The following TLN2 variants were observed in gnomAD, a reference collection of about 807,000 sequenced individuals.
TLN2 encodes the protein talin 2, also known as talin-2.
Under a neutral mutation model 294.7 loss-of-function variants are expected in TLN2, and 118 were observed. The observed-to-expected ratio is 0.40, with a 90% CI of 0.34 to 0.47. The LOEUF (loss-of-function observed/expected upper bound fraction) is 0.47, where lower values mean the gene tolerates loss of function less well. Among genes scored for constraint, TLN2 ranks in the 20% least tolerant of loss-of-function variants. TLN2 has a pLI of 0.84. For missense variants in TLN2, 3,083 were observed against 3,282.2 expected, an observed-to-expected ratio of 0.94 and a Z score of 1.48; for synonymous variants, 1,431 against 1,304.5, an observed-to-expected ratio of 1.10 and a Z score of -2.09.
chr15:62,813,448 C>T (rs1238699920), intron 52 of TLN2, among the ~76,000 whole-genome samples: 1 of 152,152 alleles, frequency 6.6e-6, no homozygotes, highest in Non-Finnish European at 1.5e-5. Context: ...GATAGTAAAA[C>T]TATTCCTATA....
At chr15:62,785,992 T>C (rs1286379195) in intron 45 of TLN2, among the ~76,000 whole-genome samples, 2 of 152,380 alleles carry the variant, frequency 1.3e-5, no homozygotes, top group Non-Finnish European at 2.9e-5. Context: ...ATTAAGGTTT[T>C]CCTTTTCACT....
intron 1 of TLN2, among the ~76,000 whole-genome samples, chr15:62,425,582 A>G (rs1030011703): frequency 6.6e-6 from 1 of 152,194 alleles, no homozygotes; most frequent in Non-Finnish European, 1.5e-5. Context: ...GGAGAATTGT[A>G]TCAGCTTTTT....
At chr15:62,480,985 A>G (rs1263807087) in intron 1 of TLN2, among the ~76,000 whole-genome samples, 2 of 152,152 alleles carry the variant, frequency 1.3e-5, no homozygotes, top group African/African-American at 2.4e-5. Context: ...GATGAGGGGC[A>G]CAGAAGAATT....
chr15:62,450,865 C>G (rs1453101365), intron 1 of TLN2, among the ~76,000 whole-genome samples: 1 of 151,882 alleles, frequency 6.6e-6, no homozygotes, highest in Non-Finnish European at 1.5e-5. Flanking sequence ...GCTACCATGC[C>G]TGGTCCATAT....
intron 1 of TLN2, among the ~76,000 whole-genome samples, chr15:62,514,960 A>G (rs187401358): frequency 1.8e-4 from 28 of 152,332 alleles, no homozygotes; most frequent in Admixed American, 1.8e-3. Flanking sequence ...AGTCTGGAAC[A>G]TTTTGTGGAG....
rs28647729 is a variant in TLN2 at position 62,825,835 on chromosome 15, T to A, written c.7002+5225T>A. On this transcript the variant is annotated intron_variant, in intron 54 of 58. Transcript: ENST00000636159. ...ATATTATAATATATATTATAATATA[T>A]AATATATATAAATATATTATATATA... Among the ~76,000 whole-genome samples the A allele has an allele frequency of 2.0e-3, 14 of 7,052 alleles. 1 individual carries two copies. The East Asian group carries it at 0.17, about 86-fold the overall frequency. 4.6% of individuals were successfully genotyped at this position (7,052 alleles called of 152,430 possible).
intron 1 of TLN2, among the ~76,000 whole-genome samples, chr15:62,583,241 G>T (rs1328069112): frequency 6.6e-6 from 1 of 152,174 alleles, no homozygotes; most frequent in Middle Eastern, 3.2e-3. Context: ...CAGGAAATCA[G>T]TGTTAAAAGC....
At chr15:62,839,456 C>T (rs1390351997) in intron 58 of TLN2, among the ~76,000 whole-genome samples, 1 of 152,190 alleles carries the variant, frequency 6.6e-6, no homozygotes, top group African/African-American at 2.4e-5. Flanking sequence ...TAAAATGATG[C>T]ATTTGGAGGT....
chr15:62,752,852 G>T (rs1375365686), intron 35 of TLN2, among the ~76,000 whole-genome samples: 1 of 152,098 alleles, frequency 6.6e-6, no homozygotes, highest in African/African-American at 2.4e-5. Flanking sequence ...ACATGATATG[G>T]CACATTCCTT....
At chr15:62,752,515 A>G (rs1447787848) in intron 35 of TLN2, 88 bp downstream of exon 35, 5 of 1,541,324 alleles carry the variant, frequency 3.2e-6, no homozygotes, top group Non-Finnish European at 3.5e-6. Context: ...CTCTTTCTCC[A>G]AGTACCACCA....
intron 41 of TLN2, among the ~76,000 whole-genome samples, chr15:62,768,413 C>A (rs887075732): frequency 1.3e-5 from 2 of 152,156 alleles, no homozygotes; most frequent in Non-Finnish European, 2.9e-5. Flanking sequence ...TTCGGTGTCT[C>A]TTCTGTCTCT....
chr15:62,468,016 A>G (rs2037241221), intron 1 of TLN2, among the ~76,000 whole-genome samples: 1 of 152,140 alleles, frequency 6.6e-6, no homozygotes, highest in African/African-American at 2.4e-5. Flanking sequence ...AAACAACAAT[A>G]ATAAAGGTTG....
At chr15:62,552,064 C>T (rs1243639820) in intron 1 of TLN2, among the ~76,000 whole-genome samples, 4 of 152,268 alleles carry the variant, frequency 2.6e-5, no homozygotes, top group South Asian at 2.1e-4. Context: ...TCTTTGTTGT[C>T]GTGGGCTGTC....
chr15:62,757,088 G>A (rs1475773075), intron 37 of TLN2, among the ~76,000 whole-genome samples: 1 of 152,126 alleles, frequency 6.6e-6, no homozygotes, highest in Non-Finnish European at 1.5e-5. Context: ...TGTGCTTTAG[G>A]TATGTTACTC....
intron 1 of TLN2, among the ~76,000 whole-genome samples, chr15:62,494,102 A>G (rs1232669514): frequency 6.6e-6 from 1 of 152,130 alleles, no homozygotes; most frequent in Admixed American, 6.5e-5. Context: ...GGTAGTTTTC[A>G]TGTGAATTTT....
rs149892147 is a variant in TLN2 at position 62,595,407 on chromosome 15, C to T, written c.-162+5645C>T. ...TGCACTCCAGCCTGGGTGCAGACTC[C>T]GTCTCAAAAAAAAAAAAAAAAAAAG... On this transcript the variant is annotated intron_variant, in intron 2 of 58. Coordinates refer to ENST00000636159, the MANE Select transcript of TLN2 (RefSeq NM_015059.3). 1.8e-3 allele frequency among the ~76,000 whole-genome samples: 205 copies of T among 115,214 alleles called. 5 individuals carry two copies. The highest frequency in any genetic ancestry group is 0.015 in the Admixed American group (147 of 9,666). 75.6% of individuals were successfully genotyped at this position (115,214 alleles called of 152,430 possible).
At chr15:62,694,428 T>C (rs991183259) in intron 14 of TLN2, 36 bp downstream of exon 14, 1 of 1,582,430 alleles carries the variant, frequency 6.3e-7, no homozygotes, top group Non-Finnish European at 8.7e-7. Flanking sequence ...GACCACCTTC[T>C]CCCTAGATAG....
At chr15:62,503,002 C>T (rs1356891114) in intron 1 of TLN2, among the ~76,000 whole-genome samples, 2 of 152,164 alleles carry the variant, frequency 1.3e-5, no homozygotes, top group African/African-American at 4.8e-5. Context: ...TCAAATACTG[C>T]TTTATTAGCC....
chr15:62,759,930 C>G (rs966176332), intron 37 of TLN2, among the ~76,000 whole-genome samples: 1 of 152,204 alleles, frequency 6.6e-6, no homozygotes, highest in Middle Eastern at 3.2e-3. Flanking sequence ...TGGTAAACCC[C>G]GACCTCCAGG....
Sources: allele counts gnomAD v4.1 joint callset (sites outside exome capture counted in the v4.1 genomes callset), GRCh38; gene constraint gnomAD v4.1.1; transcripts MANE v1.5; gene names NCBI Gene and HGNC (gene_info 2026-07-23, HGNC 2026-07-21).